Variants in HSP90AA1 observed in about 807,000 individuals in gnomAD.
HSP90AA1 encodes the protein heat shock protein HSP 90-alpha.
HSP90AA1 carries 18 observed loss-of-function variants against 73.3 expected under a neutral mutation model. That is an observed-to-expected ratio of 0.25 (90% CI 0.17 to 0.36). The LOEUF (loss-of-function observed/expected upper bound fraction) is 0.36. Among genes scored for constraint, HSP90AA1 ranks in the 10% least tolerant of loss-of-function variants. The probability of loss-of-function intolerance (pLI) is 1.00; values close to 1 mark genes in which losing one functional copy is unlikely to be tolerated. For missense variants in HSP90AA1, 704 were observed against 874.2 expected, an observed-to-expected ratio of 0.81 and a Z score of 2.45; for synonymous variants, 477 against 296.9, an observed-to-expected ratio of 1.61 and a Z score of -6.24.
chr14:102,136,525 T>TGA (rs2049996856), intron 1 of HSP90AA1, among the ~76,000 whole-genome samples: 1 of 114,302 alleles, frequency 8.7e-6, no homozygotes, highest in African/African-American at 3.4e-5. Flanking sequence ...GCCGAGATCA[T>TGA]GCCACTGCAC....
intron 1 of HSP90AA1, among the ~76,000 whole-genome samples, chr14:102,110,974 T>A (rs954312490): frequency 2.6e-5 from 4 of 152,130 alleles, no homozygotes; most frequent in Non-Finnish European, 5.9e-5. Flanking sequence ...TGCCTCTGCC[T>A]CCCAAAGTGC....
chr14:102,088,506 A>C (rs997691254), upstream of HSP90AA1, among the ~76,000 whole-genome samples: 14 of 152,174 alleles, frequency 9.2e-5, no homozygotes, highest in Admixed American at 2.6e-4. Context: ...AATCAACATA[A>C]AGCGTCTTGC....
At chr14:102,086,948 C>T (rs1348004380) in intron 1 of HSP90AA1, 38 bp downstream of exon 1, 43 of 975,224 alleles carry the variant, frequency 4.4e-5, no homozygotes, top group South Asian at 4.7e-5. Flanking sequence ...GTCCCGGTCC[C>T]CAGTCCACCT....
intron 1 of HSP90AA1, among the ~76,000 whole-genome samples, chr14:102,118,687 A>G (rs150457901): frequency 6.6e-6 from 1 of 152,238 alleles, no homozygotes; most frequent in East Asian, 1.9e-4. Context: ...CAAAATTCTT[A>G]GGTGTATTTG....
At chr14:102,116,840 G>A (rs1185412167) in intron 1 of HSP90AA1, among the ~76,000 whole-genome samples, 2 of 152,136 alleles carry the variant, frequency 1.3e-5, no homozygotes, top group African/African-American at 2.4e-5. Context: ...GCCCATTGAG[G>A]ACCTGGAGCC....
chr14:102,089,353 A>T (rs1009672839), upstream of HSP90AA1, among the ~76,000 whole-genome samples: 1 of 151,966 alleles, frequency 6.6e-6, no homozygotes, highest in African/African-American at 2.4e-5. Flanking sequence ...CCCCATCTTT[A>T]ATGTCCCTTC....
chr14:102,085,014 C>G lies in HSP90AA1; in HGVS notation c.664-16G>C, dbSNP rs917089243. ...CCTTCTCCACCTTCAAAAGAAAACA[C>G]GAAATCACATCACTGCTGCACTCCA... On this transcript the variant is annotated splice_polypyrimidine_tract_variant and intron_variant, in intron 4 of 10. Coordinates refer to ENST00000216281, the MANE Select transcript of HSP90AA1 (RefSeq NM_005348.4). The G allele has an allele frequency of 1.9e-6, 3 of 1,613,934 alleles. No homozygotes were observed. The highest frequency in any genetic ancestry group is 3.3e-5 in the Admixed American group (2 of 60,006).
chr14:102,128,609 T>C (rs1397133812), intron 1 of HSP90AA1, among the ~76,000 whole-genome samples: 2 of 122,554 alleles, frequency 1.6e-5, no homozygotes, highest in Non-Finnish European at 3.2e-5. Flanking sequence ...GCCTGGGCAG[T>C]AAGAGCAAAA....
At chr14:102,135,462 G>C (rs1343957959) in intron 1 of HSP90AA1, among the ~76,000 whole-genome samples, 1 of 152,294 alleles carries the variant, frequency 6.6e-6, no homozygotes, top group East Asian at 1.9e-4. Flanking sequence ...AGTGGATCCC[G>C]CACCGGGGCT....
intron 1 of HSP90AA1, among the ~76,000 whole-genome samples, chr14:102,136,175 G>T (rs2049991343): frequency 6.6e-6 from 1 of 152,194 alleles, no homozygotes; most frequent in Admixed American, 6.5e-5. Context: ...TATTTTGGTA[G>T]TTGTTTAGAA....
At chr14:102,114,666 A>G (rs1302521274) in intron 1 of HSP90AA1, among the ~76,000 whole-genome samples, 1 of 152,098 alleles carries the variant, frequency 6.6e-6, no homozygotes, top group African/African-American at 2.4e-5. Context: ...TTTTCAAGAG[A>G]CTACTCTTGC....
At chr14:102,089,378 T>TC (rs902254103), upstream of HSP90AA1, among the ~76,000 whole-genome samples, 8 of 152,180 alleles carry the variant, frequency 5.3e-5, no homozygotes, top group South Asian at 8.3e-4. Flanking sequence ...TTCCACAACT[T>TC]CTTGTCTTTC....
At chr14:102,086,789 GCC>G (rs1477591851) in intron 1 of HSP90AA1, among the ~76,000 whole-genome samples, 195 bp downstream of exon 1, 1 of 151,590 alleles carries the variant, frequency 6.6e-6, no homozygotes, top group Non-Finnish European at 1.5e-5. Context: ...GCCCGCGGCC[GCC>G]CGGCCCATTC....
Position 102,084,946 on chromosome 14 carries a change from T to C in HSP90AA1, c.716A>G (p.Glu239Gly). 2 of 1,601,580 alleles carry C rather than the reference T, an allele frequency of 1.2e-6. No individual in the cohort carries two copies. Among genetic ancestry groups the C allele is most frequent in the Non-Finnish European group, 1.7e-6 (2 of 1,168,692 alleles). The change falls in exon 5 of 11, where the codon GAA (glutamate) becomes GGA (glycine). Residue 239 changes from glutamate to glycine, a missense_variant. By Grantham distance (98) the Glu-to-Gly change is moderately conservative. Coordinates refer to ENST00000216281, the MANE Select transcript of HSP90AA1 (RefSeq NM_005348.4). Reference protein sequence around the residue: ...EVSDDEAEEKEDKEEEKEKEE... With the variant: ...EVSDDEAEEKGDKEEEKEKEE... ...TTTTTCTTTTTCTTCTTCTTTGTCT[T>C]CCTTTTCTTCAGCCTCATCATCGCT...
At chr14:102,105,049 A>C (rs1284819143) in intron 1 of HSP90AA1, among the ~76,000 whole-genome samples, 2 of 150,790 alleles carry the variant, frequency 1.3e-5, no homozygotes, top group African/African-American at 2.4e-5. Context: ...AAAAAAAAAA[A>C]AAAAAAAATT....
upstream of HSP90AA1, chr14:102,139,690 G>A (rs1488573596): frequency 2.7e-5 from 18 of 677,046 alleles, no homozygotes; most frequent in Non-Finnish European, 3.4e-5. Flanking sequence ...CACACCCGGG[G>A]GAGGAGCCTG....
At position 102,101,882 on chromosome 14, in the gene HSP90AA1, C is replaced by T. The variant is rs770866813; in HGVS notation, c.359G>A (p.Arg120Lys). ...AAACCTTAGTCCACTTACCAGTAGC[C>T]TAAGCAATATAAATGGCTGCAGATC... Residue 120 changes from arginine to lysine, a missense_variant, in exon 2 of 12, where the codon AGG becomes AAG. Coordinates refer to the HSP90AA1 transcript ENST00000334701. 3.1e-6 allele frequency: 5 copies of T among 1,613,126 alleles called. No individual in the cohort carries two copies. The African/African-American group carries it at 5.3e-5, about 17-fold the overall frequency.
intron 1 of HSP90AA1, among the ~76,000 whole-genome samples, chr14:102,116,439 G>C (rs139281513): frequency 4.6e-5 from 7 of 152,346 alleles, no homozygotes; most frequent in African/African-American, 1.7e-4. Context: ...AGCCACAGCG[G>C]GGAGGTGCAA....
intron 2 of HSP90AA1, among the ~76,000 whole-genome samples, chr14:102,100,227 G>A (rs2049475497): frequency 6.6e-6 from 1 of 152,124 alleles, no homozygotes; most frequent in Non-Finnish European, 1.5e-5. Context: ...CAATTATTAT[G>A]TAAAAATTTT....
Sources: allele counts gnomAD v4.1 joint callset (sites outside exome capture counted in the v4.1 genomes callset), GRCh38; gene constraint gnomAD v4.1.1; transcripts MANE v1.5; gene names NCBI Gene and HGNC (gene_info 2026-07-23, HGNC 2026-07-21).